Variants in BDKRB2 observed in about 807,000 individuals in gnomAD.
BDKRB2 encodes the protein B2 bradykinin receptor.
A neutral mutation model predicts 4.0 loss-of-function variants in BDKRB2; 6 were observed. That is an observed-to-expected ratio of 1.49 (90% CI 0.81 to 2.93). The LOEUF (loss-of-function observed/expected upper bound fraction) is 2.93, where lower values mean the gene tolerates loss of function less well. Among genes scored for constraint, BDKRB2 ranks in the 30% most tolerant of loss-of-function variants. BDKRB2 has a pLI of 0.00. For missense variants in BDKRB2, 478 were observed against 520.1 expected (o/e 0.92, Z 0.79); for synonymous variants, 225 against 215.3 (o/e 1.05, Z -0.40).
chr14:96,240,788 G>T lies in BDKRB2; in HGVS notation c.460G>T (p.Asp154Tyr). 1 of 1,556,134 alleles carries T rather than the reference G, an allele frequency of 6.4e-7. No individual in the cohort carries two copies. Residue 154 changes from aspartate to tyrosine, a missense_variant, in exon 3 of 3, where the codon GAC becomes TAC. Coordinates refer to ENST00000554311, the MANE Select transcript of BDKRB2 (RefSeq NM_001379692.1). ...CTGTTTCCTGATGCTGGTGAGCATC[G>T]ACCGCTACCTGGCCCTGGTGAAAAC... is the stretch of plus-strand genomic sequence containing the variant. ...SICFLMLVSI[D>Y]RYLALVKTMS...
intron 1 of BDKRB2, among the ~76,000 whole-genome samples, chr14:96,215,751 C>G (rs2139772105): frequency 6.6e-6 from 1 of 152,334 alleles, no homozygotes; most frequent in African/African-American, 2.4e-5. Flanking sequence ...GACAGAGGAG[C>G]TGGCATCTCA....
At chr14:96,222,425 C>T (rs1416298484) in intron 1 of BDKRB2, among the ~76,000 whole-genome samples, 1 of 152,028 alleles carries the variant, frequency 6.6e-6, no homozygotes, top group African/African-American at 2.4e-5. Context: ...AGCTTTGTAT[C>T]ATGGCCTGGT....
At chr14:96,229,377 G>T (rs1051465727) in intron 1 of BDKRB2, among the ~76,000 whole-genome samples, 2 of 152,144 alleles carry the variant, frequency 1.3e-5, no homozygotes, top group African/African-American at 4.8e-5. Flanking sequence ...CAAGTCAGAA[G>T]TCGCTTGGGA....
At chr14:96,229,127 C>T (rs186832285) in intron 1 of BDKRB2, among the ~76,000 whole-genome samples, 11 of 152,248 alleles carry the variant, frequency 7.2e-5, no homozygotes, top group South Asian at 2.1e-4. Flanking sequence ...AGTCAGTCAA[C>T]GACCATTTAT....
chr14:96,226,526 T>C (rs1325191752), intron 1 of BDKRB2, among the ~76,000 whole-genome samples: 1 of 152,050 alleles, frequency 6.6e-6, no homozygotes, highest in Non-Finnish European at 1.5e-5. Flanking sequence ...TAGTGGTGCA[T>C]GCCTGTAATC....
chr14:96,232,695 A>T (rs567743629), intron 1 of BDKRB2, among the ~76,000 whole-genome samples: 1 of 152,308 alleles, frequency 6.6e-6, no homozygotes, highest in Non-Finnish European at 1.5e-5. Context: ...TTACGCACAT[A>T]GAAAGGCGTT....
chr14:96,235,026 G>A (rs185947112), intron 1 of BDKRB2, among the ~76,000 whole-genome samples: 10 of 152,282 alleles, frequency 6.6e-5, no homozygotes, highest in African/African-American at 2.2e-4. Flanking sequence ...ATGATAGACC[G>A]TCAATAATTT....
intron 1 of BDKRB2, among the ~76,000 whole-genome samples, chr14:96,226,047 G>A (rs1329032893): frequency 1.3e-5 from 2 of 152,194 alleles, no homozygotes; most frequent in East Asian, 3.8e-4. Context: ...CTTAGGAATT[G>A]CTTTTCTGGG....
At chr14:96,211,298 C>T (rs1370490792) in intron 1 of BDKRB2, among the ~76,000 whole-genome samples, 4 of 152,298 alleles carry the variant, frequency 2.6e-5, no homozygotes, top group African/African-American at 4.8e-5. Context: ...GGGGTTCTCC[C>T]GGAGCCTCGG....
chr14:96,241,476 T>A lies in BDKRB2; in HGVS notation c.1148T>A (p.Leu383Gln), dbSNP rs747426571. 4 of 1,564,000 alleles carry A rather than the reference T, an allele frequency of 2.6e-6. No homozygotes were observed. Among genetic ancestry groups the A allele is most frequent in the Admixed American group, 3.6e-5 (2 of 56,050 alleles). The change falls in exon 3 of 3, where the codon CTG (leucine) becomes CAG (glutamine). Residue 383 changes from leucine to glutamine, a missense_variant. Coordinates refer to ENST00000554311, the MANE Select transcript of BDKRB2 (RefSeq NM_001379692.1). ...SISVERQIHK[L>Q]QDWAGSRQ is the part of the protein sequence containing the mutation. ...TCCGTGGAACGCCAGATTCACAAAC[T>A]GCAGGACTGGGCAGGGAGCAGACAG...
chr14:96,240,769 C>T lies in BDKRB2; in HGVS notation c.441C>T (p.Phe147=), dbSNP rs748411805. The T allele has an allele frequency of 6.4e-7, 1 of 1,565,074 alleles. No homozygotes were observed. The highest frequency in any genetic ancestry group is 8.6e-7 in the Non-Finnish European group (1 of 1,156,830). ...TGAACCTGTACAGCAGCATCTGTTT[C>T]CTGATGCTGGTGAGCATCGACCGCT... ...ISMNLYSSIC[F]LMLVSIDRYL... The change falls in exon 3 of 3, where the codon TTC becomes TTT. Residue 147 remains phenylalanine (F), a synonymous_variant. Transcript: ENST00000554311.
intron 2 of BDKRB2, chr14:96,240,019 C>A: frequency 9.9e-7 from 1 of 1,009,394 alleles, no homozygotes; most frequent in East Asian, 9.8e-5. Flanking sequence ...TTGAGAGGCT[C>A]AAAGGTGACC....
chr14:96,225,835 C>T (rs1217715903), intron 1 of BDKRB2, among the ~76,000 whole-genome samples: 1 of 152,186 alleles, frequency 6.6e-6, no homozygotes, highest in Non-Finnish European at 1.5e-5. Context: ...AAGAAGGTCA[C>T]AGCCCAGGTT....
intron 1 of BDKRB2, chr14:96,211,164 A>G (rs1316072183): frequency 6.6e-6 from 1 of 152,194 alleles, no homozygotes; most frequent in Non-Finnish European, 1.5e-5. Context: ...TCCCTACCAA[A>G]CAGGAATCCT....
At chr14:96,206,102 G>T (rs544500867) in intron 1 of BDKRB2, among the ~76,000 whole-genome samples, 1 of 152,214 alleles carries the variant, frequency 6.6e-6, no homozygotes, top group Non-Finnish European at 1.5e-5. Flanking sequence ...CCTGCCCGAG[G>T]TTCTCTGGAG....
At chr14:96,220,662 T>G (rs530330825) in intron 1 of BDKRB2, among the ~76,000 whole-genome samples, 6 of 124,664 alleles carry the variant, frequency 4.8e-5, no homozygotes, top group Admixed American at 3.8e-4. Flanking sequence ...TCCCTTTTCC[T>G]CCATCTCCCC....
Position 96,237,185 on chromosome 14 carries a change from A to C in BDKRB2, c.74+4A>C. On this transcript the variant is annotated splice_donor_region_variant and intron_variant, in intron 2 of 2. Coordinates refer to ENST00000554311, the MANE Select transcript of BDKRB2 (RefSeq NM_001379692.1). ...TGCCCACCACGGCCTCTTTCAGGTG[A>C]GTCAAAGGGATTCCTCAGTTCACTA... is the stretch of plus-strand genomic sequence containing the variant. 1 of 1,610,926 alleles carries C rather than the reference A, an allele frequency of 6.2e-7. No homozygotes were observed. Among genetic ancestry groups the C allele is most frequent in the Non-Finnish European group, 8.5e-7 (1 of 1,177,064 alleles).
chr14:96,211,571 T>C (rs1360509085), intron 1 of BDKRB2, among the ~76,000 whole-genome samples: 2 of 152,162 alleles, frequency 1.3e-5, no homozygotes, highest in East Asian at 1.9e-4. Flanking sequence ...TAGCCAAAAG[T>C]AGTGAAAACC....
At chr14:96,229,426 G>C (rs182537893) in intron 1 of BDKRB2, among the ~76,000 whole-genome samples, 2 of 152,098 alleles carry the variant, frequency 1.3e-5, no homozygotes, top group Non-Finnish European at 2.9e-5. Flanking sequence ...GCTCCTGCCC[G>C]CAAGCTGAAT....
Sources: allele counts gnomAD v4.1 joint callset (sites outside exome capture counted in the v4.1 genomes callset), GRCh38; gene constraint gnomAD v4.1.1; transcripts MANE v1.5; gene names NCBI Gene and HGNC (gene_info 2026-07-23, HGNC 2026-07-21).